Variants in NPR3 observed in about 807,000 individuals in gnomAD.
NPR3 encodes the protein atrial natriuretic peptide receptor 3.
In NPR3, 34 loss-of-function variants were observed where a neutral mutation model predicts 54.5. The ratio of observed to expected loss-of-function variants is 0.62; its 90% CI spans 0.47 to 0.83. The LOEUF is 0.83. Ranked by LOEUF, NPR3 falls within the 40% of genes least tolerant of loss-of-function variation. The pLI is 0.00. For synonymous variants in NPR3, 289 were observed against 297.1 expected, an observed-to-expected ratio of 0.97 and a Z score of 0.28; for missense variants, 674 against 720.8, an observed-to-expected ratio of 0.94 and a Z score of 0.74.
intron 1 of NPR3, among the ~76,000 whole-genome samples, chr5:32,693,350 A>C (rs4867471): frequency 6.6e-6 from 1 of 151,816 alleles, no homozygotes; most frequent in Non-Finnish European, 1.5e-5. Flanking sequence ...AATTCTGTAA[A>C]CTTTGCATTC....
In NPR3 at chr5:32,745,432, G is replaced by A. The variant is rs373015763; in HGVS notation, c.1059+6402G>A. ...AAGGGCATCTTAATGGTGGTGCTTG[G>A]CCTCTGCCCATGAGCAGTTCCAATT... On this transcript the variant is annotated intron_variant, in intron 3 of 7. Coordinates refer to ENST00000265074, the MANE Select transcript of NPR3 (RefSeq NM_001204375.2). 8.5e-5 allele frequency among the ~76,000 whole-genome samples: 13 copies of A among 152,290 alleles called. 1 individual carries two copies. Among genetic ancestry groups the A allele is most frequent in the Admixed American group, 5.9e-4 (9 of 15,300 alleles).
chr5:32,742,582 G>T (rs948943319), intron 3 of NPR3, among the ~76,000 whole-genome samples: 1 of 152,154 alleles, frequency 6.6e-6, no homozygotes, highest in Admixed American at 6.5e-5. Context: ...AACTTTAAAT[G>T]GCCTTGGGTG....
chr5:32,753,501 C>G lies in NPR3; in HGVS notation c.1059+14471C>G, dbSNP rs79529720. ...ACATGTATCAGCTCCAGCAGTTATA[C>G]CCATCAGTGTAACTGAAGGAGTCTG... On this transcript the variant is annotated intron_variant, in intron 3 of 7. Transcript: ENST00000265074. 6.8e-3 allele frequency among the ~76,000 whole-genome samples: 1,029 copies of G among 152,022 alleles called. 9 individuals carry two copies. Among genetic ancestry groups the G allele is most frequent in the South Asian group, 0.031 (151 of 4,808 alleles).
intron 3 of NPR3, among the ~76,000 whole-genome samples, chr5:32,757,319 C>G (rs1014352904): frequency 6.6e-6 from 1 of 152,212 alleles, no homozygotes; most frequent in African/African-American, 2.4e-5. Context: ...AGGTCCTTCA[C>G]ATCCCTTGTA....
chr5:32,790,829 T>C lies in NPR3; in HGVS notation c.*4484T>C, dbSNP rs1742872411. 6.0e-6 allele frequency: 1 copy of C among 167,062 alleles called. No homozygotes were observed. Among genetic ancestry groups the C allele is most frequent in the Non-Finnish European group, 1.5e-5 (1 of 68,122 alleles). The allele number at this position is 167,062 out of a possible 1,614,324, so 10.3% of individuals were successfully genotyped here. ...GGGAGCCAGATCTCATGAGTAAAAA[T>C]CCATTTTATAATAGCTCTGTGATAT... On this transcript the variant is annotated 3_prime_UTR_variant, in exon 8 of 8. Coordinates refer to ENST00000265074, the MANE Select transcript of NPR3 (RefSeq NM_001204375.2).
At chr5:32,724,599 A>T in intron 1 of NPR3, 99 bp from the exon 2 acceptor site, 1 of 1,396,986 alleles carries the variant, frequency 7.2e-7, no homozygotes, top group Non-Finnish European at 1.0e-6. Flanking sequence ...AGGACCATAT[A>T]AGTATCCCGT....
intron 2 of NPR3, among the ~76,000 whole-genome samples, chr5:32,730,869 C>T (rs545354025): frequency 2.0e-5 from 3 of 152,212 alleles, no homozygotes; most frequent in South Asian, 4.1e-4. Context: ...TTGGAAGACT[C>T]AACATGGTAA....
In NPR3 at chr5:32,780,748, G is replaced by A. The variant is rs1358959332; in HGVS notation, c.1222G>A (p.Ala408Thr). The change falls in exon 5 of 8, where the codon GCC (alanine) becomes ACC (threonine). Residue 408 changes from alanine (A) to threonine (T), a missense_variant. Transcript: ENST00000265074. ...EGIAGQVSIDANGDRYGDFSV... is the reference protein window; with the variant it reads ...EGIAGQVSIDTNGDRYGDFSV... ...TATCGCCGGGCAGGTGTCCATAGATGCCAACGGAGACCGATATGGGGATTT... is the reference window on the plus strand; with the variant it reads ...TATCGCCGGGCAGGTGTCCATAGATACCAACGGAGACCGATATGGGGATTT... The A allele has an allele frequency of 2.3e-5, 36 of 1,591,832 alleles. No homozygotes were observed. Among genetic ancestry groups the A allele is most frequent in the Middle Eastern group, 1.7e-4 (1 of 6,012 alleles).
At chr5:32,723,350 A>G (rs981672980) in intron 1 of NPR3, among the ~76,000 whole-genome samples, 1 of 152,208 alleles carries the variant, frequency 6.6e-6, no homozygotes, top group Non-Finnish European at 1.5e-5. Context: ...GTAGGCAACA[A>G]TATCCAATTC....
intron 3 of NPR3, among the ~76,000 whole-genome samples, chr5:32,756,486 G>A (rs150468570): frequency 0.011 from 1,641 of 152,202 alleles, 30 homozygotes; most frequent in African/African-American, 0.038. Flanking sequence ...TGAGTTCTTT[G>A]TAGATTCCGG....
rs766570427 is a variant in NPR3, at chr5:32,712,331, C to G, written c.555C>G (p.Gly185=). The G allele has an allele frequency of 1.2e-6, 2 of 1,613,412 alleles. No homozygotes were observed. Among genetic ancestry groups the G allele is most frequent in the Non-Finnish European group, 8.5e-7 (1 of 1,179,654 alleles). Residue 185 remains glycine, a synonymous_variant, in exon 1 of 8, where the codon GGC becomes GGG. Transcript: ENST00000265074. ...TRVAPAYAKM[G]EMMLALFRHH... ...TGGCGCCCGCCTACGCCAAGATGGGCGAGATGATGCTCGCCCTGTTCCGCC... is the reference window on the plus strand; with the variant it reads ...TGGCGCCCGCCTACGCCAAGATGGGGGAGATGATGCTCGCCCTGTTCCGCC...
chr5:32,747,859 G>A (rs1173150390), intron 3 of NPR3, among the ~76,000 whole-genome samples: 1 of 151,168 alleles, frequency 6.6e-6, no homozygotes, highest in Non-Finnish European at 1.5e-5. Context: ...GTGCTTAATA[G>A]ATCCTTCCAC....
At position 32,786,355 on chromosome 5, in the gene NPR3, C is replaced by A; in HGVS notation, c.*10C>A. The A allele has an allele frequency of 2.4e-6, 3 of 1,257,024 alleles. No homozygotes were observed. The highest frequency in any genetic ancestry group is 2.4e-5 in the East Asian group (1 of 41,830). 77.9% of individuals were successfully genotyped at this position (1,257,024 alleles called of 1,614,324 possible). A position where few individuals can be genotyped will look rare whatever the true frequency, so the allele number is the denominator to read the frequency against. On this transcript the variant is annotated 3_prime_UTR_variant, in exon 8 of 8. Transcript: ENST00000265074. Reference sequence around the variant, plus strand: ...TTTTTCAGTAGCTTAAAGGAAGCCCCCCACTTTTTTTTTTTCTGCCTGAGA... The same window carrying A: ...TTTTTCAGTAGCTTAAAGGAAGCCCACCACTTTTTTTTTTTCTGCCTGAGA...
rs970405702 is a variant in NPR3 at position 32,786,422 on chromosome 5, A to G, written c.*77A>G. 3.0e-6 allele frequency: 2 copies of G among 668,190 alleles called. No homozygotes were observed. The highest frequency in any genetic ancestry group is 3.7e-5 in the African/African-American group (2 of 53,456). 41.4% of individuals were successfully genotyped at this position (668,190 alleles called of 1,614,324 possible). On this transcript the variant is annotated 3_prime_UTR_variant, in exon 8 of 8. Transcript: ENST00000265074. ...ACGGGTTGAAAGACATCAATGAAAC[A>G]GAAGGGGCGTTCTTGAAGAATTCAT...
intron 1 of NPR3, among the ~76,000 whole-genome samples, chr5:32,722,145 A>G (rs1738898428): frequency 6.6e-6 from 1 of 152,106 alleles, no homozygotes; most frequent in Non-Finnish European, 1.5e-5. Flanking sequence ...TAAAAATAGA[A>G]AAAAAAAGTA....
chr5:32,703,885 C>A (rs1235261949), intron 1 of NPR3, among the ~76,000 whole-genome samples: 1 of 152,174 alleles, frequency 6.6e-6, no homozygotes, highest in Non-Finnish European at 1.5e-5. Context: ...GTCATGTGTC[C>A]CCCACATCCA....
At chr5:32,766,638 A>G (rs1320330185) in intron 3 of NPR3, among the ~76,000 whole-genome samples, 4 of 152,144 alleles carry the variant, frequency 2.6e-5, no homozygotes, top group Admixed American at 6.5e-5. Context: ...TATTATTATT[A>G]TTGTTATTTA....
intron 3 of NPR3, among the ~76,000 whole-genome samples, chr5:32,766,135 G>T (rs1741448309): frequency 6.6e-6 from 1 of 152,212 alleles, no homozygotes; most frequent in Admixed American, 6.5e-5. Flanking sequence ...GTATATATCA[G>T]CACAGAGCTG....
intron 3 of NPR3, among the ~76,000 whole-genome samples, chr5:32,766,623 T>TTTA (rs543790613): frequency 6.6e-5 from 10 of 152,064 alleles, no homozygotes; most frequent in African/African-American, 2.4e-4. Context: ...TTTTACTACA[T>TTTA]TTATTATTAT....
Sources: gnomAD v4.1 joint callset for allele counts (sites outside exome capture counted in the v4.1 genomes callset) on GRCh38, gnomAD v4.1.1 for gene constraint, MANE v1.5 for transcripts, NCBI Gene and HGNC (gene_info 2026-07-23, HGNC 2026-07-21) for gene names.